The following CSMD3 variants were observed in gnomAD, a reference collection of about 807,000 sequenced individuals.
CSMD3 encodes the protein CUB and Sushi multiple domains 3.
CSMD3 carries 177 observed loss-of-function variants against 435.2 expected under a neutral mutation model. The observed-to-expected ratio is 0.41, with a 90% CI of 0.36 to 0.46. The LOEUF is 0.46. Ranked by LOEUF, CSMD3 falls within the 20% of genes least tolerant of loss-of-function variation. CSMD3 has a pLI of 0.34. For synonymous variants in CSMD3, 1,656 were observed against 1,520.5 expected (o/e 1.09, Z -2.07); for missense variants, 4,265 against 4,504.6 (o/e 0.95, Z 1.52).
rs1426965581 is a variant in CSMD3 at position 112,361,659 on chromosome 8, C to T, written c.6137-9125G>A. On this transcript the variant is annotated intron_variant, in intron 38 of 70. Transcript: ENST00000297405. The stretch of plus-strand genomic sequence containing the variant: ...AAATTGATTTCAAATGAGTGATTAA[C>T]GCATTGAGATACGAAGACATGGAGG... 6.5e-5 allele frequency among the ~76,000 whole-genome samples: 9 copies of T among 138,266 alleles called. No individual in the cohort carries two copies. The South Asian group carries it at 1.2e-3, about 18-fold the overall frequency. The allele number at this position is 138,266 out of a possible 152,430, so 90.7% of individuals were successfully genotyped here. A position where few individuals can be genotyped will look rare whatever the true frequency, so the allele number is the denominator to read the frequency against.
rs181136449 is a variant in CSMD3, at chr8:113,007,051, A to T, written c.1030+12016T>A. ...AGTGGCAAGTAAGAAATTTGGAAAA[A>T]GAAGTAAAATACAAAGAGGAGAGAC... On this transcript the variant is annotated intron_variant, in intron 6 of 70. Transcript: ENST00000297405. 5.4e-4 allele frequency among the ~76,000 whole-genome samples: 82 copies of T among 152,106 alleles called. 2 individuals carry two copies. In the South Asian group the frequency reaches 9.5e-3, roughly 18 times the overall value.
At chr8:112,914,077 A>C (rs2082507465) in intron 10 of CSMD3, among the ~76,000 whole-genome samples, 1 of 151,956 alleles carries the variant, frequency 6.6e-6, no homozygotes, top group Admixed American at 6.6e-5. Context: ...CAAAAGAATG[A>C]TTTCCAAAAT....
chr8:112,614,186 T>C (rs967336682), intron 22 of CSMD3, among the ~76,000 whole-genome samples: 1 of 152,098 alleles, frequency 6.6e-6, no homozygotes, highest in Non-Finnish European at 1.5e-5. Context: ...CAGGAGGATG[T>C]GCTTGGCCTA....
intron 5 of CSMD3, among the ~76,000 whole-genome samples, chr8:113,039,733 A>T (rs1485667765): frequency 2.0e-5 from 3 of 152,228 alleles, no homozygotes; most frequent in African/African-American, 7.2e-5. Flanking sequence ...AATGAAAAAC[A>T]GGACAGTACA....
chr8:113,356,711 C>G (rs2132952228), intron 1 of CSMD3, among the ~76,000 whole-genome samples: 1 of 152,160 alleles, frequency 6.6e-6, no homozygotes, highest in East Asian at 1.9e-4. Context: ...ACGTTTTATT[C>G]TATCAAATAT....
chr8:112,476,271 C>T (rs534746551), intron 31 of CSMD3, among the ~76,000 whole-genome samples: 54 of 152,212 alleles, frequency 3.5e-4, no homozygotes, highest in African/African-American at 1.2e-3. Flanking sequence ...GTCTTGAACT[C>T]CTGACCTCAG....
intron 38 of CSMD3, among the ~76,000 whole-genome samples, chr8:112,364,970 A>AT (rs1827624066): frequency 6.6e-6 from 1 of 152,122 alleles, no homozygotes; most frequent in Non-Finnish European, 1.5e-5. Context: ...GCACAGCTAC[A>AT]TTTGTTCACA....
chr8:112,254,998 C>T (rs1815643105), intron 62 of CSMD3, among the ~76,000 whole-genome samples: 1 of 151,952 alleles, frequency 6.6e-6, no homozygotes, highest in Non-Finnish European at 1.5e-5. Context: ...ATGTCACTAC[C>T]TGAAAGTATT....
chr8:112,632,325 GTTATCATTT>G (rs2074538344), intron 22 of CSMD3, among the ~76,000 whole-genome samples: 1 of 151,934 alleles, frequency 6.6e-6, no homozygotes, highest in South Asian at 2.1e-4. Context: ...GTAATATAGA[GTTATCATTT>G]TTATCATTTG....
At chr8:112,892,019 A>T (rs568722980) in intron 10 of CSMD3, among the ~76,000 whole-genome samples, 1 of 151,600 alleles carries the variant, frequency 6.6e-6, no homozygotes, top group East Asian at 2.0e-4. Context: ...GGGATTGTAG[A>T]TGTTTATTAA....
intron 1 of CSMD3, among the ~76,000 whole-genome samples, chr8:113,401,754 C>T (rs1402118119): frequency 6.6e-6 from 1 of 151,492 alleles, no homozygotes; most frequent in Non-Finnish European, 1.5e-5. Context: ...CACATATATA[C>T]CTGTAGTCAC....
intron 3 of CSMD3, among the ~76,000 whole-genome samples, chr8:113,236,994 TAG>T (rs929618814): frequency 3.5e-4 from 53 of 152,262 alleles, no homozygotes; most frequent in African/African-American, 1.3e-3. Context: ...ATCAGGTTAA[TAG>T]AGAGTATAAT....
At chr8:112,538,155 A>G (rs1826318615) in intron 27 of CSMD3, among the ~76,000 whole-genome samples, 1 of 152,104 alleles carries the variant, frequency 6.6e-6, no homozygotes, top group South Asian at 2.1e-4. Context: ...TCCCTTAATG[A>G]TAACAACTCT....
chr8:112,245,761 C>T (rs1814666853), intron 64 of CSMD3, among the ~76,000 whole-genome samples: 1 of 152,154 alleles, frequency 6.6e-6, no homozygotes, highest in Non-Finnish European at 1.5e-5. Flanking sequence ...TGGTCTCGAA[C>T]TCCTGACCTC....
intron 1 of CSMD3, among the ~76,000 whole-genome samples, chr8:113,318,907 A>C (rs1457406189): frequency 2.0e-5 from 3 of 151,424 alleles, no homozygotes; most frequent in Non-Finnish European, 2.9e-5. Flanking sequence ...GTGTGTGAGT[A>C]TGTATATATA....
intron 22 of CSMD3, among the ~76,000 whole-genome samples, chr8:112,591,672 T>C (rs1269961381): frequency 2.0e-5 from 3 of 152,086 alleles, no homozygotes; most frequent in Non-Finnish European, 4.4e-5. Context: ...ACATATGGTA[T>C]GCAAGTCAAA....
At chr8:112,648,149 G>A (rs1221578493) in intron 19 of CSMD3, among the ~76,000 whole-genome samples, 3 of 152,106 alleles carry the variant, frequency 2.0e-5, no homozygotes, top group Non-Finnish European at 4.4e-5. Flanking sequence ...CTGTTTGTCT[G>A]TTTCTCCCTT....
At position 112,574,662 on chromosome 8, in the gene CSMD3, A is replaced by T. The variant is rs187418283; in HGVS notation, c.3886-1005T>A. On this transcript the variant is annotated intron_variant, in intron 23 of 70. Coordinates refer to ENST00000297405, the MANE Select transcript of CSMD3 (RefSeq NM_198123.2). ...TAATCATTATGACCCCCAAAGGTGT[A>T]AAAATTGGTTCTTGGGAGCAATAAT... is the stretch of plus-strand genomic sequence containing the variant. Among the ~76,000 whole-genome samples the T allele has an allele frequency of 4.0e-3, 604 of 152,124 alleles. 5 individuals are homozygous for T. The highest frequency in any genetic ancestry group is 0.014 in the African/African-American group (580 of 41,570).
chr8:112,364,634 T>G (rs1299746563), intron 38 of CSMD3, among the ~76,000 whole-genome samples: 1 of 152,008 alleles, frequency 6.6e-6, no homozygotes, highest in Admixed American at 6.6e-5. Context: ...AAGAGTCTAA[T>G]CCAAGACTAT....
Sources: allele counts gnomAD v4.1 joint callset (sites outside exome capture counted in the v4.1 genomes callset), GRCh38; gene constraint gnomAD v4.1.1; transcripts MANE v1.5; gene names NCBI Gene and HGNC (gene_info 2026-07-23, HGNC 2026-07-21).